AFTPH: variants seen among roughly 807,000 people sequenced by gnomAD.
AFTPH encodes aftiphilin.
AFTPH carries 7 observed loss-of-function variants against 72.5 expected under a neutral mutation model. That is an observed-to-expected ratio of 0.10 (90% confidence interval 0.05 to 0.18). The LOEUF is 0.18. Ranked by LOEUF, AFTPH falls within the 10% of genes least tolerant of loss-of-function variation. The pLI is 1.00. For synonymous variants in AFTPH, 337 were observed against 370.1 expected (o/e 0.91, Z 1.03); for missense variants, 979 against 1,060.5 (o/e 0.92, Z 1.07).
At chr2:64,552,489 G>A (rs368645972) in exon 2 of AFTPH, 1 of 1,614,042 alleles carries the variant, frequency 6.2e-7, no homozygotes, top group East Asian at 2.2e-5. Context: ...GAGTTTGGTA[G>A]ACTCAGCTGA....
At chr2:64,526,591 C>G in intron 1 of AFTPH, among the ~76,000 whole-genome samples, 1 of 152,224 alleles carries the variant, frequency 6.6e-6, no homozygotes, top group Admixed American at 6.5e-5. Context: ...AATAGTGAAC[C>G]TTTCTAGCCG....
chr2:64,552,014 G>C, exon 2 of AFTPH: 1 of 1,613,906 alleles, frequency 6.2e-7, no homozygotes, highest in Non-Finnish European at 8.5e-7. Flanking sequence ...CTTGTCTGGA[G>C]ATTCTAACAA....
At chr2:64,560,347 A>G (rs1008177985) in intron 2 of AFTPH, among the ~76,000 whole-genome samples, 2 of 152,162 alleles carry the variant, frequency 1.3e-5, no homozygotes, top group African/African-American at 4.8e-5. Context: ...TTGGGTAATC[A>G]TTTTTTGCTT....
chr2:64,526,408 C>T (rs1246284839), intron 1 of AFTPH, among the ~76,000 whole-genome samples: 1 of 152,138 alleles, frequency 6.6e-6, no homozygotes, highest in Non-Finnish European at 1.5e-5. Flanking sequence ...CTCTCCCAAC[C>T]CTTCCCCCAA....
rs770260508 is a variant in AFTPH, at chr2:64,580,940, A to G, written c.2455+1394A>G. ...GCAACTGAACTCCTAAAACCTTACT[A>G]AGTGTTACATTCTTTACATTGTACA... On this transcript the variant is annotated intron_variant, in intron 7 of 8. Transcript: ENST00000238856. 30 of 260,640 alleles carry G rather than the reference A, an allele frequency of 1.2e-4. No homozygotes were observed. The Admixed American group carries it at 1.3e-3, about 12-fold the overall frequency. 16.1% of individuals were successfully genotyped at this position (260,640 alleles called of 1,614,324 possible).
intron 2 of AFTPH, among the ~76,000 whole-genome samples, chr2:64,564,957 A>G (rs945218642): frequency 9.9e-5 from 15 of 151,428 alleles, no homozygotes; most frequent in Admixed American, 3.3e-4. Flanking sequence ...TCATGCCTCA[A>G]CCTCCTGAGT....
At chr2:64,548,474 T>C (rs1240962379) in intron 1 of AFTPH, among the ~76,000 whole-genome samples, 1 of 135,898 alleles carries the variant, frequency 7.4e-6, no homozygotes, top group Non-Finnish European at 1.5e-5. Flanking sequence ...GGCTGTATAA[T>C]ATGCTATTGT....
At chr2:64,587,254 G>A (rs1280305175) in intron 8 of AFTPH, among the ~76,000 whole-genome samples, 1 of 152,090 alleles carries the variant, frequency 6.6e-6, no homozygotes, top group Non-Finnish European at 1.5e-5. Flanking sequence ...TGCTAATTCT[G>A]TATTGAGTTA....
chr2:64,571,156 G>T (rs1672402409), intron 5 of AFTPH, among the ~76,000 whole-genome samples: 2 of 151,664 alleles, frequency 1.3e-5, no homozygotes, highest in Non-Finnish European at 2.9e-5. Context: ...GATCTCACCC[G>T]GAGAAATAGT....
At chr2:64,574,902 T>G (rs72890722) in intron 6 of AFTPH, among the ~76,000 whole-genome samples, 2,781 of 152,358 alleles carry the variant, frequency 0.018, 88 homozygotes, top group African/African-American at 0.063. Context: ...ACATTTTTAT[T>G]TCTGCCTCCA....
At chr2:64,542,262 C>T (rs913199778) in intron 1 of AFTPH, among the ~76,000 whole-genome samples, 2 of 152,110 alleles carry the variant, frequency 1.3e-5, no homozygotes, top group African/African-American at 4.8e-5. Context: ...CAAATGTGAG[C>T]CCATGGACCT....
intron 1 of AFTPH, among the ~76,000 whole-genome samples, chr2:64,546,827 G>A (rs1041495074): frequency 7.4e-5 from 11 of 148,714 alleles, no homozygotes; most frequent in African/African-American, 2.7e-4. Context: ...GAGGTCAGGA[G>A]ATCGAGACCA....
intron 8 of AFTPH, 51 bp from the exon 10 acceptor site, chr2:64,591,837 C>T (rs1673843869): frequency 6.3e-7 from 1 of 1,597,130 alleles, no homozygotes; most frequent in East Asian, 2.2e-5. Flanking sequence ...TCCCATTTTA[C>T]CTACAGCAAA....
rs72814011 is a variant in AFTPH at position 64,546,597 on chromosome 2, A to C, written c.-32-4846A>C. 3.7e-3 allele frequency among the ~76,000 whole-genome samples: 568 copies of C among 152,216 alleles called. 1 individual carries two copies. The highest frequency in any genetic ancestry group is 6.0e-3 in the Non-Finnish European group (408 of 68,008). On this transcript the variant is annotated intron_variant, in intron 1 of 8. Transcript: ENST00000238856. ...TTTTTTTTTCCATTTTGAAACAATCACAAACATAAAAAGTTGCAATGTCAA... is the reference window on the plus strand; with the variant it reads ...TTTTTTTTTCCATTTTGAAACAATCCCAAACATAAAAAGTTGCAATGTCAA...
chr2:64,565,318 A>G (rs914183273), intron 2 of AFTPH, among the ~76,000 whole-genome samples: 6 of 151,822 alleles, frequency 4.0e-5, no homozygotes, highest in African/African-American at 1.2e-4. Flanking sequence ...TACTAAAAAT[A>G]CAAAAAATTA....
chr2:64,553,443 A>G (rs200872058), intron 2 of AFTPH, 34 bp downstream of exon 2: 2 of 1,518,794 alleles, frequency 1.3e-6, no homozygotes, highest in South Asian at 1.3e-5. Flanking sequence ...TGTATGATGT[A>G]TTAATTGTTG....
intron 1 of AFTPH, among the ~76,000 whole-genome samples, chr2:64,531,698 G>T (rs908647450): frequency 2.0e-5 from 3 of 152,162 alleles, no homozygotes. Context: ...ATACACAGCA[G>T]ATTTTAAAAA....
At chr2:64,567,586 C>G (rs781040913) in exon 3 of AFTPH, 2 of 1,611,298 alleles carry the variant, frequency 1.2e-6, no homozygotes, top group Non-Finnish European at 1.7e-6. Flanking sequence ...CCGCCTGGAG[C>G]GAATTTTCGA....
intron 2 of AFTPH, among the ~76,000 whole-genome samples, chr2:64,565,387 A>G (rs1672006915): frequency 6.7e-6 from 1 of 149,924 alleles, no homozygotes; most frequent in African/African-American, 2.4e-5. Context: ...AGGCAGGAGA[A>G]TGACGTGAAC....
Sources: gnomAD v4.1 joint callset for allele counts (sites outside exome capture counted in the v4.1 genomes callset) on GRCh38, gnomAD v4.1.1 for gene constraint, MANE v1.5 for transcripts, NCBI Gene and HGNC (gene_info 2026-07-23, HGNC 2026-07-21) for gene names.